CCSER1: variants seen among roughly 807,000 people sequenced by gnomAD.
The protein encoded by CCSER1 is coiled-coil serine rich protein 1, also known as serine-rich coiled-coil domain-containing protein 1.
Under a neutral mutation model 82.0 loss-of-function variants are expected in CCSER1, and 41 were observed. That is an observed-to-expected ratio of 0.50 (90% CI 0.39 to 0.65). The LOEUF (loss-of-function observed/expected upper bound fraction) is 0.65, where lower values mean the gene tolerates loss of function less well. Among genes scored for constraint, CCSER1 ranks in the 30% least tolerant of loss-of-function variants. The probability of loss-of-function intolerance (pLI) is 0.00; values close to 1 mark genes in which losing one functional copy is unlikely to be tolerated. For missense variants in CCSER1, 1,119 were observed against 1,064.2 expected, an observed-to-expected ratio of 1.05 and a Z score of -0.72; for synonymous variants, 414 against 383.9, an observed-to-expected ratio of 1.08 and a Z score of -0.92.
At chr4:91,045,588 A>G (rs1161643216) in intron 9 of CCSER1, among the ~76,000 whole-genome samples, 1 of 152,228 alleles carries the variant, frequency 6.6e-6, no homozygotes, top group Non-Finnish European at 1.5e-5. Flanking sequence ...AAACAGATAA[A>G]ACATTATTAT....
At chr4:90,264,937 T>G (rs992077975) in intron 1 of CCSER1, among the ~76,000 whole-genome samples, 1 of 152,102 alleles carries the variant, frequency 6.6e-6, no homozygotes, top group Non-Finnish European at 1.5e-5. Flanking sequence ...TAACCCATTT[T>G]CCTTTTCTGA....
intron 10 of CCSER1, among the ~76,000 whole-genome samples, chr4:91,517,371 A>G (rs1185330367): frequency 6.6e-6 from 1 of 152,110 alleles, no homozygotes; most frequent in Admixed American, 6.6e-5. Context: ...TGTTCCTTCA[A>G]TGCCTAGTCA....
In CCSER1 at chr4:90,517,481, G is replaced by A. The variant is rs543932053; in HGVS notation, c.1724+49127G>A. Among the ~76,000 whole-genome samples, 6 of 151,852 alleles carry A rather than the reference G, an allele frequency of 4.0e-5. No homozygotes were observed. In the East Asian group the frequency reaches 1.2e-3, roughly 29 times the overall value. On this transcript the variant is annotated intron_variant, in intron 5 of 10. Coordinates refer to ENST00000509176, the MANE Select transcript of CCSER1 (RefSeq NM_001145065.2). ...GGTGTTGGTGCCACAAACTGCCACA[G>A]AAAAAAAATTCTATGAACAGAATGA...
At chr4:91,086,963 C>T (rs139605276) in intron 10 of CCSER1, among the ~76,000 whole-genome samples, 336 of 152,116 alleles carry the variant, frequency 2.2e-3, no homozygotes, top group Non-Finnish European at 3.9e-3. Context: ...TGAAGTGAAA[C>T]ATAGATAAAT....
chr4:90,801,261 T>G (rs931967245), intron 7 of CCSER1, among the ~76,000 whole-genome samples: 1 of 152,192 alleles, frequency 6.6e-6, no homozygotes, highest in African/African-American at 2.4e-5. Context: ...ATTTCATCTT[T>G]GCTACAATTA....
intron 9 of CCSER1, among the ~76,000 whole-genome samples, chr4:91,023,903 T>C (rs34059354): frequency 0.36 from 54,401 of 152,140 alleles, 10,971 homozygotes; most frequent in East Asian, 0.58. Context: ...ATCTTTCTTC[T>C]TTTTAAAACA....
At chr4:90,976,102 T>C (rs1465156716) in intron 9 of CCSER1, among the ~76,000 whole-genome samples, 1 of 151,320 alleles carries the variant, frequency 6.6e-6, no homozygotes, top group Non-Finnish European at 1.5e-5. Context: ...TTTTTATTTT[T>C]TGTGTTACAA....
At chr4:91,170,601 A>T (rs1039741144) in intron 10 of CCSER1, among the ~76,000 whole-genome samples, 4 of 152,314 alleles carry the variant, frequency 2.6e-5, no homozygotes, top group African/African-American at 9.6e-5. Flanking sequence ...ATGTAAATTG[A>T]TATTTTGAAG....
intron 5 of CCSER1, among the ~76,000 whole-genome samples, chr4:90,553,824 CT>C (rs1777809855): frequency 6.6e-6 from 1 of 152,070 alleles, no homozygotes; most frequent in Non-Finnish European, 1.5e-5. Context: ...TCATTTAAAC[CT>C]TCTGAAATGC....
chr4:91,297,217 A>C (rs1471807591), intron 10 of CCSER1, among the ~76,000 whole-genome samples: 5 of 151,840 alleles, frequency 3.3e-5, no homozygotes, highest in Admixed American at 1.3e-4. Context: ...CCTCTCTTTT[A>C]ATAAACTTAT....
intron 10 of CCSER1, among the ~76,000 whole-genome samples, chr4:91,345,943 A>G (rs1748024572): frequency 6.6e-6 from 1 of 152,016 alleles, no homozygotes; most frequent in African/African-American, 2.4e-5. Flanking sequence ...AAGAGTATAT[A>G]TAGTCTTTTC....
At chr4:90,464,508 A>G (rs564562309) in intron 4 of CCSER1, among the ~76,000 whole-genome samples, 1 of 152,336 alleles carries the variant, frequency 6.6e-6, no homozygotes, top group African/African-American at 2.4e-5. Flanking sequence ...CTGTCTAGAA[A>G]CACATGGGGA....
At chr4:90,477,525 T>G (rs1765269289) in intron 5 of CCSER1, among the ~76,000 whole-genome samples, 1 of 152,236 alleles carries the variant, frequency 6.6e-6, no homozygotes, top group African/African-American at 2.4e-5. Context: ...AATAAGGGAT[T>G]GGATCTCTAA....
intron 10 of CCSER1, among the ~76,000 whole-genome samples, chr4:91,328,678 C>A (rs1746734163): frequency 6.6e-6 from 1 of 152,008 alleles, no homozygotes; most frequent in South Asian, 2.1e-4. Context: ...GATAAAGGGA[C>A]CCTATAAAAT....
intron 8 of CCSER1, among the ~76,000 whole-genome samples, chr4:90,921,244 G>C (rs2150242483): frequency 6.6e-6 from 1 of 151,956 alleles, no homozygotes; most frequent in Non-Finnish European, 1.5e-5. Flanking sequence ...GTATGTGATA[G>C]ACATTTGTCA....
At position 90,791,572 on chromosome 4, in the gene CCSER1, C is replaced by T. The variant is rs972390885; in HGVS notation, c.2011-24190C>T. Among the ~76,000 whole-genome samples the T allele has an allele frequency of 1.3e-4, 19 of 151,716 alleles. 1 individual carries two copies. Among genetic ancestry groups the T allele is most frequent in the South Asian group, 4.2e-4 (2 of 4,768 alleles). On this transcript the variant is annotated intron_variant, in intron 7 of 10. Coordinates refer to ENST00000509176, the MANE Select transcript of CCSER1 (RefSeq NM_001145065.2). Reference sequence around the variant, plus strand: ...TTAAATAAAGATACACACTTTTAGCCGGGTGCAGTGGCTCATACCTGTAAT... The same window carrying T: ...TTAAATAAAGATACACACTTTTAGCTGGGTGCAGTGGCTCATACCTGTAAT...
intron 8 of CCSER1, among the ~76,000 whole-genome samples, chr4:90,877,060 G>A (rs887133599): frequency 2.0e-5 from 3 of 152,034 alleles, no homozygotes; most frequent in African/African-American, 4.8e-5. Flanking sequence ...GGGAAACTAA[G>A]TTTCAGAGAG....
chr4:90,948,167 A>G (rs1448667351), intron 9 of CCSER1, among the ~76,000 whole-genome samples: 1 of 151,946 alleles, frequency 6.6e-6, no homozygotes, highest in East Asian at 1.9e-4. Context: ...GCGAATTCCT[A>G]CTATAGTAAT....
chr4:91,185,633 T>A (rs994201340), intron 10 of CCSER1, among the ~76,000 whole-genome samples: 3 of 152,224 alleles, frequency 2.0e-5, no homozygotes, highest in Admixed American at 6.5e-5. Flanking sequence ...TCATGGCATT[T>A]CCCAAAATCA....
Sources: gnomAD v4.1 joint callset for allele counts (sites outside exome capture counted in the v4.1 genomes callset) on GRCh38, gnomAD v4.1.1 for gene constraint, MANE v1.5 for transcripts, NCBI Gene and HGNC (gene_info 2026-07-23, HGNC 2026-07-21) for gene names.